The following DAPK1 variants were observed in gnomAD, a reference collection of about 807,000 sequenced individuals.
DAPK1 encodes death associated protein kinase 1.
DAPK1 carries 56 observed loss-of-function variants against 144.9 expected under a neutral mutation model. The observed-to-expected ratio is 0.39, with a 90% CI of 0.31 to 0.48. The LOEUF (loss-of-function observed/expected upper bound fraction) is 0.48, where lower values mean the gene tolerates loss of function less well. DAPK1 is among the 20% of genes least tolerant of loss of function. The pLI is 0.95. For synonymous variants in DAPK1, 690 were observed against 749.0 expected, an observed-to-expected ratio of 0.92 and a Z score of 1.29; for missense variants, 1,454 against 1,875.4, an observed-to-expected ratio of 0.78 and a Z score of 4.15.
intron 2 of DAPK1, among the ~76,000 whole-genome samples, chr9:87,589,330 A>G (rs1271835186): frequency 6.6e-6 from 1 of 152,088 alleles, no homozygotes; most frequent in Non-Finnish European, 1.5e-5. Flanking sequence ...CCTTTCCGAT[A>G]TGGACAGTTC....
intron 2 of DAPK1, among the ~76,000 whole-genome samples, chr9:87,552,587 T>C (rs1826535335): frequency 6.6e-6 from 1 of 151,830 alleles, no homozygotes; most frequent in Admixed American, 6.6e-5. Flanking sequence ...GCACGTGCTT[T>C]AAAATGTACC....
chr9:87,536,473 AT>A (rs1448617348), intron 2 of DAPK1, among the ~76,000 whole-genome samples: 1 of 152,132 alleles, frequency 6.6e-6, no homozygotes, highest in Non-Finnish European at 1.5e-5. Context: ...AGAGCCTAAG[AT>A]TTTGACAATT....
chr9:87,651,471 A>G (rs1830440306), intron 16 of DAPK1, 56 bp from the exon 17 acceptor site: 28 of 1,557,614 alleles, frequency 1.8e-5, no homozygotes, highest in Non-Finnish European at 2.5e-5. Flanking sequence ...AGGTGAAGAG[A>G]CGGAGGCCAC....
intron 3 of DAPK1, among the ~76,000 whole-genome samples, chr9:87,615,538 C>T (rs539419156): frequency 3.6e-4 from 55 of 152,304 alleles, no homozygotes; most frequent in African/African-American, 1.3e-3. Context: ...TAGGAAAATT[C>T]AAGTAGAGTT....
chr9:87,692,114 A>G (rs60057263), intron 21 of DAPK1, among the ~76,000 whole-genome samples: 10,133 of 152,144 alleles, frequency 0.067, 857 homozygotes, highest in African/African-American at 0.19. Context: ...ATTGAAGTCT[A>G]TCTGTTCCTA....
chr9:87,687,282 C>CCACA (rs138996976), intron 21 of DAPK1, among the ~76,000 whole-genome samples: 1 of 151,766 alleles, frequency 6.6e-6, no homozygotes, highest in South Asian at 2.1e-4. Flanking sequence ...ATTCCCCTCT[C>CCACA]CACACACACA....
Position 87,648,800 on chromosome 9 carries a change from A to G in DAPK1, c.1349A>G (p.His450Arg). ...CTGCAGTCTGGAGAGATGGCCCTCC[A>G]CGTGGCAGCTCGCTATGGCCATGCT... is the stretch of plus-strand genomic sequence containing the variant. ...VKDKSGEMAL[H>R]VAARYGHADV... Residue 450 changes from histidine to arginine, a missense_variant, in exon 15 of 26, where the codon CAC (histidine) becomes CGC (arginine). By Grantham distance (29) the His-to-Arg change is conservative. This residue lies in a region of DAPK1 where 429 missense variants were observed against 637.5 expected (regional missense o/e 0.67). Transcript: ENST00000408954. 6.2e-7 allele frequency: 1 copy of G among 1,614,216 alleles called. No individual in the cohort carries two copies. The highest frequency in any genetic ancestry group is 8.5e-7 in the Non-Finnish European group (1 of 1,180,032).
chr9:87,512,218 T>A (rs1455904716), intron 2 of DAPK1, among the ~76,000 whole-genome samples: 3 of 152,194 alleles, frequency 2.0e-5, no homozygotes, highest in Non-Finnish European at 4.4e-5. Flanking sequence ...CCAACACACC[T>A]GGCTTAAAAG....
intron 2 of DAPK1, among the ~76,000 whole-genome samples, chr9:87,561,280 A>G (rs1826907730): frequency 6.6e-6 from 1 of 152,040 alleles, no homozygotes; most frequent in Non-Finnish European, 1.5e-5. Context: ...TAATCCCAGC[A>G]CTTTGGGAGG....
At position 87,703,071 on chromosome 9, in the gene DAPK1, A is replaced by T. The variant is rs1201088267; in HGVS notation, c.2914A>T (p.Thr972Ser). The change falls in exon 25 of 26, where the codon ACG becomes TCG. Residue 972 changes from threonine to serine, a missense_variant. Around this residue, in one of 2 missense-constraint regions of DAPK1, gnomAD observed 1,025 missense variants for 1,237.9 expected, o/e 0.83. Transcript: ENST00000408954. Reference sequence around the variant, plus strand: ...TCACCTGTGTGAGAAAATCATCTCCACGCTGCCTTCCTGGAGGAAGCTCAA... The same window carrying T: ...TCACCTGTGTGAGAAAATCATCTCCTCGCTGCCTTCCTGGAGGAAGCTCAA... ...MTHLCEKIISTLPSWRKLNGP... is the reference protein window; with the variant it reads ...MTHLCEKIISSLPSWRKLNGP... 4 of 1,601,512 alleles carry T rather than the reference A, an allele frequency of 2.5e-6. No individual in the cohort carries two copies. Among genetic ancestry groups the T allele is most frequent in the Non-Finnish European group, 3.4e-6 (4 of 1,168,548 alleles).
intron 3 of DAPK1, among the ~76,000 whole-genome samples, chr9:87,629,273 C>T (rs1008204422): frequency 6.6e-6 from 1 of 152,114 alleles, no homozygotes; most frequent in African/African-American, 2.4e-5. Context: ...GTGCCAGTTG[C>T]AGGCGGGGAT....
At position 87,587,554 on chromosome 9, in the gene DAPK1, A is replaced by G. The variant is rs80059397; in HGVS notation, c.63-17400A>G. On this transcript the variant is annotated intron_variant, in intron 2 of 25. Coordinates refer to ENST00000408954, the MANE Select transcript of DAPK1 (RefSeq NM_004938.4). Reference sequence around the variant, plus strand: ...TAATTATCCCAGGGTGAGGTTACCCACAAAATTTGACCATCCACTTCTAAG... The same window carrying G: ...TAATTATCCCAGGGTGAGGTTACCCGCAAAATTTGACCATCCACTTCTAAG... Among the ~76,000 whole-genome samples, 7 of 152,360 alleles carry G rather than the reference A, an allele frequency of 4.6e-5. No homozygotes were observed. In the East Asian group the frequency reaches 1.3e-3, roughly 29 times the overall value.
intron 2 of DAPK1, among the ~76,000 whole-genome samples, chr9:87,537,948 T>C (rs1252089578): frequency 6.6e-6 from 1 of 152,198 alleles, no homozygotes; most frequent in Non-Finnish European, 1.5e-5. Flanking sequence ...GCCAGCTTTT[T>C]ATCCAAAATC....
At chr9:87,531,140 G>C (rs1412486773) in intron 2 of DAPK1, among the ~76,000 whole-genome samples, 3 of 152,198 alleles carry the variant, frequency 2.0e-5, no homozygotes, top group Non-Finnish European at 4.4e-5. Context: ...AGGATAAAAT[G>C]CTCTGATCAT....
At chr9:87,498,875 G>C (rs530527501) in intron 1 of DAPK1, 95 bp from the exon 2 acceptor site, 2 of 526,180 alleles carry the variant, frequency 3.8e-6, no homozygotes, top group Non-Finnish European at 6.9e-6. Context: ...CGGAGACCCG[G>C]TCTTCAGCGA....
At chr9:87,658,426 T>A (rs1472066250) in intron 18 of DAPK1, among the ~76,000 whole-genome samples, 1 of 152,166 alleles carries the variant, frequency 6.6e-6, no homozygotes, top group African/African-American at 2.4e-5. Context: ...TGGTGGGGTG[T>A]GTGTACTTCC....
intron 2 of DAPK1, among the ~76,000 whole-genome samples, chr9:87,513,434 G>T (rs138504158): frequency 3.3e-5 from 5 of 152,286 alleles, no homozygotes; most frequent in South Asian, 4.2e-4. Flanking sequence ...TCTTGTGGAC[G>T]ACGTAAAAAT....
intron 2 of DAPK1, among the ~76,000 whole-genome samples, chr9:87,578,227 A>G (rs890118916): frequency 1.3e-5 from 2 of 152,222 alleles, no homozygotes; most frequent in African/African-American, 2.4e-5. Context: ...CCTTGCATCT[A>G]TATGTCCTTT....
At chr9:87,614,598 C>T (rs1190438714) in intron 3 of DAPK1, among the ~76,000 whole-genome samples, 2 of 152,146 alleles carry the variant, frequency 1.3e-5, no homozygotes, top group Non-Finnish European at 2.9e-5. Flanking sequence ...CTGTTTTGGC[C>T]AACTGCTTCC....
Sources: gnomAD v4.1 joint callset for allele counts (sites outside exome capture counted in the v4.1 genomes callset) on GRCh38, gnomAD v4.1.1 for gene constraint, gnomAD v4.1.1 regional missense constraint, MANE v1.5 for transcripts, NCBI Gene and HGNC (gene_info 2026-07-23, HGNC 2026-07-21) for gene names.